Variants in EEPD1 observed in about 807,000 individuals in gnomAD.
EEPD1 encodes the protein endonuclease/exonuclease/phosphatase family domain containing 1, also known as endonuclease/exonuclease/phosphatase family domain-containing protein 1.
A neutral mutation model predicts 46.3 loss-of-function variants in EEPD1; 17 were observed. That is an observed-to-expected ratio of 0.37 (90% CI 0.25 to 0.55). The LOEUF (loss-of-function observed/expected upper bound fraction) is 0.55. Ranked by LOEUF, EEPD1 falls within the 20% of genes least tolerant of loss-of-function variation. The pLI, the probability that EEPD1 is intolerant of heterozygous loss-of-function variation, is 0.83. For missense variants in EEPD1, 673 were observed against 745.6 expected (o/e 0.90, Z 1.13); for synonymous variants, 313 against 315.6 (o/e 0.99, Z 0.09).
chr7:36,213,084 C>T (rs984601034), intron 2 of EEPD1, among the ~76,000 whole-genome samples: 4 of 152,088 alleles, frequency 2.6e-5, no homozygotes, highest in South Asian at 2.1e-4. Context: ...ACCTGCGAGG[C>T]GGAGGTTGCA....
chr7:36,182,363 A>G (rs1215812753), intron 2 of EEPD1, among the ~76,000 whole-genome samples: 2 of 152,260 alleles, frequency 1.3e-5, no homozygotes, highest in Non-Finnish European at 2.9e-5. Flanking sequence ...CAAAGAGCCA[A>G]CACAATGGCA....
At chr7:36,176,205 C>A (rs1265872126) in intron 2 of EEPD1, among the ~76,000 whole-genome samples, 3 of 152,152 alleles carry the variant, frequency 2.0e-5, no homozygotes, top group African/African-American at 7.2e-5. Context: ...TGAGAAAGGC[C>A]CCTGGGAAGG....
intron 2 of EEPD1, among the ~76,000 whole-genome samples, chr7:36,170,157 C>G (rs543227586): frequency 6.6e-6 from 1 of 152,350 alleles, no homozygotes; most frequent in African/African-American, 2.4e-5. Flanking sequence ...GTAATCCCAG[C>G]ACTTTGCGAG....
chr7:36,185,068 T>C (rs1471688374), intron 2 of EEPD1, among the ~76,000 whole-genome samples: 1 of 152,154 alleles, frequency 6.6e-6, no homozygotes, highest in Non-Finnish European at 1.5e-5. Flanking sequence ...GAACAACCCA[T>C]ATGCCTGCCT....
chr7:36,261,269 G>C (rs963135721), intron 3 of EEPD1, among the ~76,000 whole-genome samples: 2 of 152,214 alleles, frequency 1.3e-5, no homozygotes, highest in African/African-American at 4.8e-5. Context: ...TGCTGTTCCA[G>C]TCCATTTATT....
rs1253074639 is a variant in EEPD1, at chr7:36,196,799, A to G, written c.878+41597A>G. On this transcript the variant is annotated intron_variant, in intron 2 of 7. Transcript: ENST00000242108. ...CCCAGCCGCCTGCCTTGGCCCCCCA[A>G]AGTGCGAAGATTGCAGCCTCTGCCC... Among the ~76,000 whole-genome samples the G allele has an allele frequency of 7.9e-5, 12 of 152,250 alleles. No individual in the cohort carries two copies. In the East Asian group the frequency reaches 2.3e-3, roughly 29 times the overall value.
chr7:36,162,415 G>T (rs1456783648), intron 2 of EEPD1, among the ~76,000 whole-genome samples: 1 of 152,222 alleles, frequency 6.6e-6, no homozygotes, highest in East Asian at 1.9e-4. Flanking sequence ...AGGCCAAGGT[G>T]GGTGGATCAC....
At chr7:36,254,935 C>G (rs941865785) in intron 3 of EEPD1, among the ~76,000 whole-genome samples, 1 of 152,138 alleles carries the variant, frequency 6.6e-6, no homozygotes, top group African/African-American at 2.4e-5. Context: ...TAAATGTCTT[C>G]TTTTGAGAAG....
rs756142246 is a variant in EEPD1 at position 36,281,165 on chromosome 7, G to A, written c.981G>A (p.Lys327=). 1 of 1,614,204 alleles carries A rather than the reference G, an allele frequency of 6.2e-7. No homozygotes were observed. The highest frequency in any genetic ancestry group is 2.2e-5 in the East Asian group (1 of 44,878). ...QPTLPNIRKW[K]GPRGCWKAVV... ...CCCTGCCCAACATCCGCAAGTGGAA[G>A]GGGCCCCGGGGATGCTGGAAGGCTG... The change falls in exon 4 of 8, where the codon AAG becomes AAA. Residue 327 remains lysine (K), a synonymous_variant. Coordinates refer to ENST00000242108, the MANE Select transcript of EEPD1 (RefSeq NM_030636.3).
chr7:36,294,821 G>A (rs959806857), intron 6 of EEPD1, among the ~76,000 whole-genome samples: 4 of 152,134 alleles, frequency 2.6e-5, no homozygotes, highest in Non-Finnish European at 5.9e-5. Flanking sequence ...TTCTGATGCC[G>A]TTCTCTGATG....
chr7:36,201,547 A>C (rs1785712499), intron 2 of EEPD1, among the ~76,000 whole-genome samples: 1 of 152,126 alleles, frequency 6.6e-6, no homozygotes. Flanking sequence ...CTGTTTCCTG[A>C]TCTGCAACCG....
At chr7:36,262,849 AC>A (rs1368135704) in intron 3 of EEPD1, among the ~76,000 whole-genome samples, 1 of 152,022 alleles carries the variant, frequency 6.6e-6, no homozygotes, top group African/African-American at 2.4e-5. Flanking sequence ...CTGTTGGGAG[AC>A]TGCCATTCCC....
At chr7:36,282,913 T>G (rs187417260) in intron 4 of EEPD1, among the ~76,000 whole-genome samples, 4 of 152,206 alleles carry the variant, frequency 2.6e-5, no homozygotes, top group Non-Finnish European at 4.4e-5. Context: ...CCAAAAAAAT[T>G]TAAACACTAT....
chr7:36,207,755 G>T lies in EEPD1; in HGVS notation c.879-31230G>T, dbSNP rs551801822. On this transcript the variant is annotated intron_variant, in intron 2 of 7. Coordinates refer to ENST00000242108, the MANE Select transcript of EEPD1 (RefSeq NM_030636.3). ...TGTCATCATGCTAAAGTTCAGTAAG[G>T]ATGTGTGCTTGAAGTCTGTTTATAA... Among the ~76,000 whole-genome samples the T allele has an allele frequency of 5.9e-5, 9 of 152,300 alleles. No individual in the cohort carries two copies. In the South Asian group the frequency reaches 1.9e-3, roughly 32 times the overall value.
chr7:36,162,016 A>G (rs966214794), intron 2 of EEPD1, among the ~76,000 whole-genome samples: 7 of 152,204 alleles, frequency 4.6e-5, no homozygotes, highest in Admixed American at 4.6e-4. Flanking sequence ...CTATTTGCTC[A>G]TCATGGACAT....
chr7:36,154,932 C>A lies in EEPD1; in HGVS notation c.608C>A (p.Pro203Gln). Residue 203 changes from proline (P) to glutamine (Q), a missense_variant, in exon 2 of 8, where the codon CCA becomes CAA. Transcript: ENST00000242108. This position sits in a 1 kb window ranked among gnomAD's most constrained non-coding sequence, Gnocchi z 4.2. ...GTGTTTGCTGAGAGGTCCAGGCCCC[C>A]ATCCACCCACACGAACGGGGGACTG... ...HQVFAERSRPPSTHTNGGLTF... is the reference protein window; with the variant it reads ...HQVFAERSRPQSTHTNGGLTF... The A allele has an allele frequency of 6.2e-7, 1 of 1,614,096 alleles. No homozygotes were observed. The highest frequency in any genetic ancestry group is 1.3e-5 in the African/African-American group (1 of 75,034).
intron 2 of EEPD1, among the ~76,000 whole-genome samples, chr7:36,202,632 G>A (rs1268258862): frequency 6.6e-6 from 1 of 152,170 alleles, no homozygotes; most frequent in African/African-American, 2.4e-5. Context: ...GTACTGAATA[G>A]GCTGTATTTT....
At chr7:36,277,909 A>G (rs1787205428) in intron 3 of EEPD1, among the ~76,000 whole-genome samples, 1 of 152,194 alleles carries the variant, frequency 6.6e-6, no homozygotes. Flanking sequence ...CTTAAGGGTC[A>G]GGGATTCTGC....
At chr7:36,160,319 C>T (rs975100726) in intron 2 of EEPD1, among the ~76,000 whole-genome samples, 3 of 152,198 alleles carry the variant, frequency 2.0e-5, no homozygotes, top group Non-Finnish European at 4.4e-5. Context: ...TCAATCATTA[C>T]AGATAGTGGT....
Sources: gnomAD v4.1 joint callset for allele counts (sites outside exome capture counted in the v4.1 genomes callset) on GRCh38, gnomAD v4.1.1 for gene constraint, Gnocchi (gnomAD v3.1) non-coding constraint, MANE v1.5 for transcripts, NCBI Gene and HGNC (gene_info 2026-07-23, HGNC 2026-07-21) for gene names.